The following ARHGAP6 variants were observed in gnomAD, a reference collection of about 807,000 sequenced individuals.
ARHGAP6 encodes Rho GTPase activating protein 6, also known as rho GTPase-activating protein 6.
Under a neutral mutation model 55.7 loss-of-function variants are expected in ARHGAP6, and 16 were observed. The ratio of observed to expected loss-of-function variants is 0.29; its 90% CI spans 0.19 to 0.44. The LOEUF is 0.44. Among genes scored for constraint, ARHGAP6 ranks in the 20% least tolerant of loss-of-function variants. ARHGAP6 has a pLI of 1.00. For missense variants in ARHGAP6, 698 were observed against 808.9 expected (o/e 0.86, Z 1.66); for synonymous variants, 382 against 360.9 (o/e 1.06, Z -0.66).
intron 3 of ARHGAP6, among the ~76,000 whole-genome samples, chrX:11,189,702 C>A (rs890804611): frequency 2.7e-5 from 3 of 111,972 alleles, no homozygotes; most frequent in African/African-American, 9.7e-5. Flanking sequence ...GCCCAGGAAA[C>A]AATTTGTTAA....
chrX:11,618,851 G>T (rs906373621), intron 1 of ARHGAP6, among the ~76,000 whole-genome samples: 8 of 111,612 alleles, frequency 7.2e-5, no homozygotes, highest in Non-Finnish European at 1.3e-4. Flanking sequence ...CTAAGTGGAA[G>T]GAGGAGCATA....
intron 1 of ARHGAP6, among the ~76,000 whole-genome samples, chrX:11,381,546 T>C (rs183850643): frequency 4.5e-5 from 5 of 111,565 alleles, no homozygotes; most frequent in African/African-American, 1.6e-4. Context: ...GAGATAAAAA[T>C]CTCAGGCAAC....
At chrX:11,177,827 G>A (rs758991877) in intron 8 of ARHGAP6, among the ~76,000 whole-genome samples, 1 of 111,722 alleles carries the variant, frequency 9.0e-6, no homozygotes, top group African/African-American at 3.3e-5. Context: ...CTTTACAAAC[G>A]GAAGTTCAGA....
intron 1 of ARHGAP6, among the ~76,000 whole-genome samples, chrX:11,483,918 G>A (rs1398423900): frequency 2.7e-5 from 3 of 111,662 alleles, no homozygotes; most frequent in Non-Finnish European, 3.8e-5. Context: ...AGAGCTGAGA[G>A]ACTGCTCTTA....
At chrX:11,645,611 T>G (rs1205657163) in intron 1 of ARHGAP6, among the ~76,000 whole-genome samples, 1 of 112,279 alleles carries the variant, frequency 8.9e-6, no homozygotes, top group Non-Finnish European at 1.9e-5. Context: ...ATAAAGTTAT[T>G]TGTCTCTAAA....
intron 10 of ARHGAP6, among the ~76,000 whole-genome samples, chrX:11,155,349 G>A (rs1054315532): frequency 1.8e-5 from 2 of 110,992 alleles, no homozygotes; most frequent in Non-Finnish European, 3.8e-5. Context: ...ACCCAGGCTG[G>A]AGTGCAGTGG....
chrX:11,190,482 C>CACACACAT (rs1569248649), intron 3 of ARHGAP6, among the ~76,000 whole-genome samples: 2 of 53,634 alleles, frequency 3.7e-5, no homozygotes, highest in African/African-American at 1.4e-4. Context: ...TATATATATA[C>CACACACAT]ATATATCTAT....
intron 2 of ARHGAP6, among the ~76,000 whole-genome samples, chrX:11,243,878 C>T (rs977659801): frequency 1.1e-3 from 128 of 112,237 alleles, no homozygotes; most frequent in African/African-American, 3.8e-3. Context: ...GGTTTATAGC[C>T]TAGGAGCAGT....
intron 1 of ARHGAP6, among the ~76,000 whole-genome samples, chrX:11,354,056 C>G (rs1020479435): frequency 3.6e-5 from 4 of 110,170 alleles, no homozygotes; most frequent in African/African-American, 9.9e-5. Flanking sequence ...CTCTTTCATA[C>G]AACCTGGTAG....
chrX:11,266,769 G>T (rs1318499525), intron 1 of ARHGAP6, among the ~76,000 whole-genome samples: 1 of 111,914 alleles, frequency 8.9e-6, no homozygotes, highest in Non-Finnish European at 1.9e-5. Context: ...TGGGTCTCAA[G>T]TGAATTCCAA....
At chrX:11,299,138 A>G (rs1160809932) in intron 1 of ARHGAP6, among the ~76,000 whole-genome samples, 1 of 112,128 alleles carries the variant, frequency 8.9e-6, no homozygotes, top group Non-Finnish European at 1.9e-5. Flanking sequence ...TATGTTAAAG[A>G]CAAATTCCTC....
rs775244039 is a variant in ARHGAP6 at position 11,637,382 on chromosome X, A to G, written c.588+26859T>C. Among the ~76,000 whole-genome samples the G allele has an allele frequency of 8.1e-5, 9 of 111,731 alleles. No homozygotes were observed. In the South Asian group the frequency reaches 3.4e-3, roughly 42 times the overall value. ...ATAATAATATTTGGCATAAAATCCT[A>G]CCATTTTCCCAGCCACTGCTGGGAG... is the stretch of plus-strand genomic sequence containing the variant. On this transcript the variant is annotated intron_variant, in intron 1 of 12. Coordinates refer to ENST00000337414, the MANE Select transcript of ARHGAP6 (RefSeq NM_013427.3).
At chrX:11,522,335 C>A (rs1308668796) in intron 1 of ARHGAP6, among the ~76,000 whole-genome samples, 8 of 110,634 alleles carry the variant, frequency 7.2e-5, no homozygotes, top group African/African-American at 2.3e-4. Flanking sequence ...ACTAGAGAAG[C>A]AAGAGCAAAC....
intron 10 of ARHGAP6, among the ~76,000 whole-genome samples, chrX:11,153,965 C>T (rs962171742): frequency 8.2e-5 from 9 of 109,731 alleles, no homozygotes; most frequent in Non-Finnish European, 1.5e-4. Flanking sequence ...CCTCCCCCCT[C>T]CCCCCATCCC....
At chrX:11,142,169 T>TAAAG in intron 12 of ARHGAP6, 64 bp downstream of exon 12, 1 of 806,286 alleles carries the variant, frequency 1.2e-6, no homozygotes, top group East Asian at 3.7e-5. Flanking sequence ...ATAATGATAG[T>TAAAG]AAAGAAAACT....
chrX:11,660,546 A>C (rs994922278), intron 1 of ARHGAP6, among the ~76,000 whole-genome samples: 3 of 53,357 alleles, frequency 5.6e-5, no homozygotes, highest in African/African-American at 1.1e-4. Context: ...AAAAAAAAAA[A>C]AAAAAAAAAA....
chrX:11,535,018 C>T (rs1245197279), intron 1 of ARHGAP6, among the ~76,000 whole-genome samples: 2 of 111,106 alleles, frequency 1.8e-5, no homozygotes, highest in Non-Finnish European at 3.8e-5. Flanking sequence ...TTTCTTCCCC[C>T]CATTTCACCA....
At chrX:11,151,567 T>C (rs1463635155) in intron 10 of ARHGAP6, among the ~76,000 whole-genome samples, 1 of 112,007 alleles carries the variant, frequency 8.9e-6, no homozygotes, top group Non-Finnish European at 1.9e-5. Context: ...TGAAGCCAAA[T>C]ACTTAAGCAG....
chrX:11,166,760 A>G (rs1031321203), intron 9 of ARHGAP6, among the ~76,000 whole-genome samples: 5 of 112,244 alleles, frequency 4.5e-5, no homozygotes, highest in Non-Finnish European at 7.5e-5. Flanking sequence ...GGTCTTGGCT[A>G]TCATTCATTC....
Sources: gnomAD v4.1 joint callset for allele counts (sites outside exome capture counted in the v4.1 genomes callset) on GRCh38, gnomAD v4.1.1 for gene constraint, MANE v1.5 for transcripts, NCBI Gene and HGNC (gene_info 2026-07-23, HGNC 2026-07-21) for gene names.